ATP8A2: variants seen among roughly 807,000 people sequenced by gnomAD.
ATP8A2 encodes the protein ATPase phospholipid transporting 8A2.
ATP8A2 carries 100 observed loss-of-function variants against 165.6 expected under a neutral mutation model. That is an observed-to-expected ratio of 0.60 (90% CI 0.51 to 0.71). ATP8A2 has a LOEUF of 0.71. Among genes scored for constraint, ATP8A2 ranks in the 30% least tolerant of loss-of-function variants. The probability of loss-of-function intolerance (pLI) is 0.00; values close to 1 mark genes in which losing one functional copy is unlikely to be tolerated. For synonymous variants in ATP8A2, 543 were observed against 548.8 expected (o/e 0.99, Z 0.15); for missense variants, 1,227 against 1,479.5 (o/e 0.83, Z 2.80).
At chr13:25,536,476 T>C (rs1409627831) in intron 6 of ATP8A2, among the ~76,000 whole-genome samples, 3 of 152,212 alleles carry the variant, frequency 2.0e-5, no homozygotes, top group African/African-American at 7.2e-5. Flanking sequence ...GCTTTTGTAC[T>C]GGTGGTTGTT....
At chr13:25,823,351 T>C (rs1207599854) in intron 27 of ATP8A2, among the ~76,000 whole-genome samples, 1 of 152,240 alleles carries the variant, frequency 6.6e-6, no homozygotes, top group Non-Finnish European at 1.5e-5. Flanking sequence ...GTCTTTTTCA[T>C]GTTCATTTGA....
intron 34 of ATP8A2, among the ~76,000 whole-genome samples, chr13:25,963,683 T>C (rs906469679): frequency 6.6e-6 from 1 of 152,218 alleles, no homozygotes; most frequent in Admixed American, 6.5e-5. Context: ...CTATTGAGAC[T>C]GTATATTTGC....
At chr13:25,837,124 C>G (rs17082806) in intron 28 of ATP8A2, 39 bp from the exon 29 acceptor site, 5 of 1,591,322 alleles carry the variant, frequency 3.1e-6, no homozygotes, top group Non-Finnish European at 4.3e-6. Flanking sequence ...CGTGTGGATC[C>G]GAAGGGCTGC....
intron 24 of ATP8A2, among the ~76,000 whole-genome samples, chr13:25,698,841 A>C (rs925775748): frequency 6.6e-6 from 1 of 152,224 alleles, no homozygotes; most frequent in Non-Finnish European, 1.5e-5. Context: ...TTGCCATTCA[A>C]GTTCCAATAA....
At chr13:25,699,735 G>A (rs1478356969) in intron 25 of ATP8A2, among the ~76,000 whole-genome samples, 2 of 152,074 alleles carry the variant, frequency 1.3e-5, no homozygotes, top group Non-Finnish European at 2.9e-5. Context: ...CGTTTGTTGG[G>A]GTATTTCTTT....
At position 26,023,042 on chromosome 13, in the gene ATP8A2, C is replaced by T. The variant is rs999284997; in HGVS notation, c.*3057C>T. On this transcript the variant is annotated 3_prime_UTR_variant, in exon 37 of 37. Coordinates refer to ENST00000381655, the MANE Select transcript of ATP8A2 (RefSeq NM_016529.6). ...TCTGGGTTTCCACTGCACACTGACA[C>T]GTGCCAGCAAGGGTAGCTGTGGAAA... 1.3e-5 allele frequency: 2 copies of T among 152,210 alleles called. No homozygotes were observed. The highest frequency in any genetic ancestry group is 2.4e-5 in the African/African-American group (1 of 41,438). The allele number at this position is 152,210 out of a possible 1,614,324, so 9.4% of individuals were successfully genotyped here.
At chr13:25,781,559 G>A (rs1255922279) in intron 27 of ATP8A2, among the ~76,000 whole-genome samples, 1 of 151,986 alleles carries the variant, frequency 6.6e-6, no homozygotes, top group East Asian at 1.9e-4. Context: ...TGCAGTGTTG[G>A]CTCACTGCAA....
intron 33 of ATP8A2, among the ~76,000 whole-genome samples, chr13:25,877,267 T>C (rs1043187444): frequency 3.3e-5 from 5 of 152,224 alleles, no homozygotes; most frequent in African/African-American, 1.2e-4. Context: ...ATTCTCTTTA[T>C]TCTTCAGTAT....
intron 24 of ATP8A2, among the ~76,000 whole-genome samples, chr13:25,620,644 G>A (rs941618749): frequency 6.6e-6 from 1 of 152,170 alleles, no homozygotes; most frequent in Non-Finnish European, 1.5e-5. Context: ...TGTGTAAATT[G>A]AGAAGAGTGT....
At chr13:25,957,267 A>C (rs551277824) in intron 33 of ATP8A2, among the ~76,000 whole-genome samples, 1 of 152,388 alleles carries the variant, frequency 6.6e-6, no homozygotes, top group East Asian at 1.9e-4. Flanking sequence ...CAAAATTGAC[A>C]AATGGATCTA....
At chr13:25,539,496 G>T (rs186084095) in intron 7 of ATP8A2, among the ~76,000 whole-genome samples, 1 of 152,074 alleles carries the variant, frequency 6.6e-6, no homozygotes, top group Non-Finnish European at 1.5e-5. Flanking sequence ...TAGTGTCTGA[G>T]TGTGTGCTGT....
In ATP8A2 at chr13:25,432,997, T is replaced by C. The variant is rs1001215144; in HGVS notation, c.77-35980T>C. Among the ~76,000 whole-genome samples the C allele has an allele frequency of 5.3e-5, 8 of 152,346 alleles. No individual in the cohort carries two copies. The East Asian group carries it at 5.8e-4, about 11-fold the overall frequency. On this transcript the variant is annotated intron_variant, in intron 1 of 36. Transcript: ENST00000381655. ...GTTAGCTTCAGTGAGGCTCCTTATG[T>C]ACTTTTCCACAGTTTGGAGAAATCT...
At chr13:25,639,376 C>T (rs973325973) in intron 24 of ATP8A2, among the ~76,000 whole-genome samples, 3 of 152,176 alleles carry the variant, frequency 2.0e-5, no homozygotes, top group Non-Finnish European at 4.4e-5. Context: ...TGCAGAGACA[C>T]ACCTAGGCTC....
chr13:25,468,743 G>A (rs926766158), intron 1 of ATP8A2: 26 of 771,524 alleles, frequency 3.4e-5, no homozygotes, highest in Non-Finnish European at 3.8e-5. Context: ...CTCCACAAGC[G>A]CCAGGGGCCG....
At chr13:25,615,389 G>A (rs61336046) in intron 24 of ATP8A2, among the ~76,000 whole-genome samples, 31,123 of 151,970 alleles carry the variant, frequency 0.2, 3,427 homozygotes, top group Non-Finnish European at 0.24. Flanking sequence ...CATTCCTACC[G>A]TATGTCCCCC....
intron 30 of ATP8A2, 63 bp from the exon 31 acceptor site, chr13:25,860,132 T>G: frequency 9.3e-7 from 1 of 1,071,932 alleles, no homozygotes; most frequent in Non-Finnish European, 1.4e-6. Flanking sequence ...TTTAATGCTC[T>G]GAGTTAAATA....
intron 35 of ATP8A2, among the ~76,000 whole-genome samples, chr13:25,982,436 G>A (rs1401086439): frequency 2.0e-5 from 3 of 152,194 alleles, no homozygotes; most frequent in East Asian, 3.8e-4. Context: ...CAAGCTTGCT[G>A]CCATGTTGCC....
At chr13:25,424,105 A>G (rs9553612) in intron 1 of ATP8A2, among the ~76,000 whole-genome samples, 63,470 of 152,028 alleles carry the variant, frequency 0.42, 14,291 homozygotes, top group East Asian at 0.59. Context: ...TGTGGGAAAT[A>G]GAGCTGAGAA....
At chr13:25,672,489 T>C (rs1378980206) in intron 24 of ATP8A2, among the ~76,000 whole-genome samples, 2 of 152,142 alleles carry the variant, frequency 1.3e-5, no homozygotes, top group Non-Finnish European at 2.9e-5. Flanking sequence ...TCTAGCACGT[T>C]TGGCAAGGGG....
Sources: allele counts gnomAD v4.1 joint callset (sites outside exome capture counted in the v4.1 genomes callset), GRCh38; gene constraint gnomAD v4.1.1; transcripts MANE v1.5; gene names NCBI Gene and HGNC (gene_info 2026-07-23, HGNC 2026-07-21).